The following LHFPL6 variants were observed in gnomAD, a reference collection of about 807,000 sequenced individuals.
The protein encoded by LHFPL6 is LHFPL tetraspan subfamily member 6.
Under a neutral mutation model 20.6 loss-of-function variants are expected in LHFPL6, and 9 were observed. That is an observed-to-expected ratio of 0.44 (90% confidence interval 0.26 to 0.76). The LOEUF (loss-of-function observed/expected upper bound fraction) is 0.76, where lower values mean the gene tolerates loss of function less well. LHFPL6 is among the 30% of genes least tolerant of loss of function. The pLI, the probability that LHFPL6 is intolerant of heterozygous loss-of-function variation, is 0.20. For synonymous variants in LHFPL6, 105 were observed against 98.7 expected, an observed-to-expected ratio of 1.06 and a Z score of -0.38; for missense variants, 218 against 253.5, an observed-to-expected ratio of 0.86 and a Z score of 0.95.
chr13:39,505,686 T>A (rs1397259308), intron 2 of LHFPL6, among the ~76,000 whole-genome samples: 1 of 152,168 alleles, frequency 6.6e-6, no homozygotes, highest in Non-Finnish European at 1.5e-5. Flanking sequence ...ACCGAATGTG[T>A]CAAACAAGGT....
chr13:39,506,043 A>C (rs1869466882), intron 2 of LHFPL6, among the ~76,000 whole-genome samples: 2 of 152,210 alleles, frequency 1.3e-5, no homozygotes, highest in South Asian at 4.1e-4. Context: ...TCACCTTGTC[A>C]TGCAGGTGAT....
At chr13:39,597,968 G>A (rs765671223) in intron 2 of LHFPL6, among the ~76,000 whole-genome samples, 3 of 152,340 alleles carry the variant, frequency 2.0e-5, no homozygotes, top group Middle Eastern at 3.4e-3. Flanking sequence ...GGATGCCTCT[G>A]TATTTTGCCA....
At chr13:39,510,765 A>T (rs545577350) in intron 2 of LHFPL6, among the ~76,000 whole-genome samples, 1 of 152,354 alleles carries the variant, frequency 6.6e-6, no homozygotes, top group Admixed American at 6.5e-5. Flanking sequence ...TGAAAAAGTT[A>T]TATAAAACAA....
intron 2 of LHFPL6, among the ~76,000 whole-genome samples, chr13:39,582,456 A>G: frequency 6.6e-6 from 1 of 152,208 alleles, no homozygotes; most frequent in East Asian, 1.9e-4. Context: ...CCTACAAAGC[A>G]GGATCAGGGG....
chr13:39,430,623 T>C (rs1280058310), intron 2 of LHFPL6, among the ~76,000 whole-genome samples: 1 of 152,214 alleles, frequency 6.6e-6, no homozygotes, highest in Non-Finnish European at 1.5e-5. Flanking sequence ...CTTTTCTGTC[T>C]AGCTAAAGTT....
intron 2 of LHFPL6, among the ~76,000 whole-genome samples, chr13:39,512,386 A>T (rs1869741836): frequency 6.6e-6 from 1 of 151,692 alleles, no homozygotes; most frequent in African/African-American, 2.4e-5. Context: ...GTGGATCACG[A>T]GGTCAGGTGA....
intron 2 of LHFPL6, among the ~76,000 whole-genome samples, chr13:39,597,061 G>A (rs576348187): frequency 2.0e-5 from 3 of 152,202 alleles, no homozygotes; most frequent in Admixed American, 6.5e-5. Flanking sequence ...GCACTTAACT[G>A]TCTATTAGTT....
intron 2 of LHFPL6, among the ~76,000 whole-genome samples, chr13:39,404,585 C>T (rs1871072416): frequency 6.6e-6 from 1 of 152,076 alleles, no homozygotes; most frequent in Non-Finnish European, 1.5e-5. Context: ...TTTAAAGATT[C>T]CCTAGATGAT....
At chr13:39,408,150 T>C (rs1485440487) in intron 2 of LHFPL6, among the ~76,000 whole-genome samples, 1 of 152,182 alleles carries the variant, frequency 6.6e-6, no homozygotes, top group African/African-American at 2.4e-5. Context: ...CCCCAAAGTG[T>C]CAAAAACTAT....
At chr13:39,472,082 A>C (rs1223747267) in intron 2 of LHFPL6, among the ~76,000 whole-genome samples, 1 of 152,230 alleles carries the variant, frequency 6.6e-6, no homozygotes, top group Non-Finnish European at 1.5e-5. Flanking sequence ...CCAGAACCTG[A>C]GATTTTCACC....
chr13:39,481,372 G>T (rs1368072030), intron 2 of LHFPL6, among the ~76,000 whole-genome samples: 5 of 152,128 alleles, frequency 3.3e-5, no homozygotes, highest in African/African-American at 9.7e-5. Flanking sequence ...CACTTTCCTG[G>T]AGGTTACACT....
intron 2 of LHFPL6, among the ~76,000 whole-genome samples, chr13:39,537,950 C>T (rs1870672440): frequency 1.3e-5 from 2 of 151,448 alleles, no homozygotes; most frequent in South Asian, 4.2e-4. Flanking sequence ...TAGCTCTTTA[C>T]TTCTCATACC....
At chr13:39,525,573 G>A (rs1280033462) in intron 2 of LHFPL6, among the ~76,000 whole-genome samples, 1 of 152,038 alleles carries the variant, frequency 6.6e-6, no homozygotes, top group African/African-American at 2.4e-5. Context: ...TGAGGCCACT[G>A]GAAATGGAAG....
At chr13:39,600,272 T>C (rs1441691886) in intron 2 of LHFPL6, among the ~76,000 whole-genome samples, 1 of 152,232 alleles carries the variant, frequency 6.6e-6, no homozygotes, top group Non-Finnish European at 1.5e-5. Flanking sequence ...TAGCTATCTC[T>C]GTAGAATAGT....
intron 2 of LHFPL6, among the ~76,000 whole-genome samples, chr13:39,524,720 G>A (rs919710723): frequency 6.6e-6 from 1 of 152,156 alleles, no homozygotes; most frequent in Admixed American, 6.5e-5. Context: ...GTGGACTTAG[G>A]GGAACATGAG....
intron 2 of LHFPL6, among the ~76,000 whole-genome samples, chr13:39,579,416 T>C (rs867746890): frequency 2.8e-4 from 43 of 152,250 alleles, no homozygotes; most frequent in African/African-American, 8.2e-4. Context: ...ACAGCATGCT[T>C]CCATGACATA....
chr13:39,427,602 C>T (rs1205229556), intron 2 of LHFPL6, among the ~76,000 whole-genome samples: 2 of 151,912 alleles, frequency 1.3e-5, no homozygotes, highest in Non-Finnish European at 2.9e-5. Flanking sequence ...GTTAAATGAG[C>T]CCTGCATTAC....
At chr13:39,564,417 G>T (rs9576863) in intron 2 of LHFPL6, among the ~76,000 whole-genome samples, 13,298 of 152,104 alleles carry the variant, frequency 0.087, 684 homozygotes, top group East Asian at 0.23. Context: ...TATCAATACT[G>T]GGCCAGAGCA....
At chr13:39,363,586 C>T (rs1869933941) in intron 3 of LHFPL6, among the ~76,000 whole-genome samples, 1 of 152,170 alleles carries the variant, frequency 6.6e-6, no homozygotes, top group African/African-American at 2.4e-5. Context: ...ATCTCCCGTA[C>T]TTTCCCAATG....
Sources: allele counts gnomAD v4.1 joint callset (sites outside exome capture counted in the v4.1 genomes callset), GRCh38; gene constraint gnomAD v4.1.1; transcripts MANE v1.5; gene names NCBI Gene and HGNC (gene_info 2026-07-23, HGNC 2026-07-21).